BICD2: variants seen among roughly 807,000 people sequenced by gnomAD.
The protein encoded by BICD2 is BICD cargo adaptor 2, also known as protein bicaudal D homolog 2.
A neutral mutation model predicts 72.9 loss-of-function variants in BICD2; 25 were observed. That is an observed-to-expected ratio of 0.34 (90% CI 0.25 to 0.48). The LOEUF is 0.48. Ranked by LOEUF, BICD2 falls within the 20% of genes least tolerant of loss-of-function variation. BICD2 has a pLI of 0.99. For synonymous variants in BICD2, 501 were observed against 516.1 expected (o/e 0.97, Z 0.40); for missense variants, 894 against 1,175.2 (o/e 0.76, Z 3.50).
chr9:92,749,665 T>C (rs1854107601), intron 1 of BICD2, among the ~76,000 whole-genome samples: 1 of 152,202 alleles, frequency 6.6e-6, no homozygotes, highest in Non-Finnish European at 1.5e-5. Flanking sequence ...TAGAGAAGAT[T>C]ACACCCTAAT....
chr9:92,753,323 G>A (rs998896121), intron 1 of BICD2, among the ~76,000 whole-genome samples: 7 of 152,054 alleles, frequency 4.6e-5, no homozygotes, highest in Non-Finnish European at 7.4e-5. Context: ...AAAAACTAAG[G>A]CAATCTGAAT....
intron 1 of BICD2, among the ~76,000 whole-genome samples, chr9:92,731,725 G>A (rs1198117980): frequency 6.6e-6 from 1 of 152,190 alleles, no homozygotes; most frequent in Non-Finnish European, 1.5e-5. Context: ...AGGCAGACCT[G>A]CACACAGGGC....
intron 6 of BICD2, among the ~76,000 whole-genome samples, chr9:92,716,730 C>T (rs1042532726): frequency 1.4e-4 from 21 of 152,232 alleles, no homozygotes; most frequent in African/African-American, 4.8e-4. Context: ...TGTCAGGGGG[C>T]ACCTGGGAAG....
rs762587567 is a variant in BICD2, at chr9:92,720,464, C to A, written c.898G>T (p.Val300Phe). Residue 300 changes from valine (V) to phenylalanine (F), a missense_variant, in exon 4 of 7, where the codon GTC becomes TTC. Coordinates refer to ENST00000356884, the MANE Select transcript of BICD2 (RefSeq NM_001003800.2). The surrounding 1 kb of genome is among the most constrained non-coding windows in gnomAD (Gnocchi z 5.4). ...AEPNNDAEAL[V>F]NGFEHGGLAK... is the part of the protein sequence containing the mutation. ...AGGCCGCCGTGCTCAAAGCCATTGA[C>A]CAGGGCCTCGGCATCGTTGTTGGGC... 6.2e-7 allele frequency: 1 copy of A among 1,614,214 alleles called. No individual in the cohort carries two copies. The highest frequency in any genetic ancestry group is 1.1e-5 in the South Asian group (1 of 91,082).
At chr9:92,727,432 T>G (rs1853589611) in intron 2 of BICD2, among the ~76,000 whole-genome samples, 1 of 152,140 alleles carries the variant, frequency 6.6e-6, no homozygotes, top group South Asian at 2.1e-4. Context: ...GGTTTACAGA[T>G]GGGGAAACTG....
At chr9:92,747,479 G>A (rs548800809) in intron 1 of BICD2, among the ~76,000 whole-genome samples, 1 of 152,312 alleles carries the variant, frequency 6.6e-6, no homozygotes, top group South Asian at 2.1e-4. Flanking sequence ...CAGCTCCAGG[G>A]ATATGGCTCA....
rs772847008 is a variant in BICD2 at position 92,718,914 on chromosome 9, C to T, written c.1731G>A (p.Ala577=). The change falls in exon 5 of 7, where the codon GCG becomes GCA. Residue 577 remains alanine (A), a synonymous_variant. Transcript: ENST00000356884. ...TSPGGRTSPE[A]RGRRSPILLP... is the part of the protein sequence containing the mutation. ...GGAGGATGGGTGAGCGCCGGCCACG[C>T]GCCTCGGGGCTGGTGCGGCCCCCGG... 20 of 1,604,212 alleles carry T rather than the reference C, an allele frequency of 1.2e-5. 1 individual carries two copies. Among genetic ancestry groups the T allele is most frequent in the Admixed American group, 6.8e-5 (4 of 59,238 alleles).
chr9:92,761,402 C>T (rs542868164), intron 1 of BICD2, among the ~76,000 whole-genome samples: 38 of 152,340 alleles, frequency 2.5e-4, no homozygotes, highest in South Asian at 8.3e-4. Flanking sequence ...ATTCCACCCA[C>T]GTGCACCTCT....
chr9:92,742,374 ATTTC>A (rs1209982109), intron 1 of BICD2, among the ~76,000 whole-genome samples: 39 of 146,320 alleles, frequency 2.7e-4, no homozygotes, highest in African/African-American at 8.8e-4. Context: ...TTAATTCCAC[ATTTC>A]TTTTTTTTTT....
At chr9:92,733,922 G>A (rs1184120371) in intron 1 of BICD2, among the ~76,000 whole-genome samples, 1 of 151,938 alleles carries the variant, frequency 6.6e-6, no homozygotes, top group Admixed American at 6.6e-5. Flanking sequence ...AGCTGAGATC[G>A]TGCCACTGCA....
At chr9:92,736,929 T>C (rs1394973729) in intron 1 of BICD2, among the ~76,000 whole-genome samples, 2 of 152,108 alleles carry the variant, frequency 1.3e-5, no homozygotes, top group Admixed American at 6.5e-5. Flanking sequence ...GCTGGCAGAA[T>C]AGGCCTCAGG....
chr9:92,726,285 T>C (rs1359293041), intron 2 of BICD2, among the ~76,000 whole-genome samples: 2 of 152,122 alleles, frequency 1.3e-5, no homozygotes, highest in African/African-American at 2.4e-5. Flanking sequence ...ACTGTAAAGC[T>C]TCACAGGTCC....
chr9:92,713,394 A>AGGGAAG lies in BICD2; in HGVS notation c.*1754_*1759dup. 2 of 1,536,982 alleles carry AGGGAAG rather than the reference A, an allele frequency of 1.3e-6. No homozygotes were observed. Among genetic ancestry groups the AGGGAAG allele is most frequent in the Non-Finnish European group, 1.8e-6 (2 of 1,128,252 alleles). ...TTCCTTCCTCCTTGTGGGCCACGAG[A>AGGGAAG]GGGAAGGGGAAGGGGCTGCAGTGTG... is the stretch of plus-strand genomic sequence containing the variant. On this transcript the variant is annotated 3_prime_UTR_variant, in exon 7 of 7. Coordinates refer to ENST00000356884, the MANE Select transcript of BICD2 (RefSeq NM_001003800.2).
rs530196701 is a variant in BICD2 at position 92,713,937 on chromosome 9, A to C, written c.*1217T>G. The C allele has an allele frequency of 2.0e-6, 2 of 992,822 alleles. No individual in the cohort carries two copies. The highest frequency in any genetic ancestry group is 1.2e-6 in the Non-Finnish European group (1 of 834,200). 61.5% of individuals were successfully genotyped at this position (992,822 alleles called of 1,614,324 possible). A position where few individuals can be genotyped will look rare whatever the true frequency, so the allele number is the denominator to read the frequency against. On this transcript the variant is annotated 3_prime_UTR_variant, in exon 7 of 7. Transcript: ENST00000356884. ...CAAGGCAAGCAGCCTGCAGGAGAGA[A>C]GACTGCAGCCTCAGGTCCAGCTGGT...
intron 1 of BICD2, among the ~76,000 whole-genome samples, chr9:92,761,518 A>G (rs1854372247): frequency 6.6e-6 from 1 of 152,270 alleles, no homozygotes; most frequent in Admixed American, 6.5e-5. Flanking sequence ...GCTCAGGTGG[A>G]GTCAAGACTG....
At chr9:92,743,355 CTTTTTTTT>C (rs34165468) in intron 1 of BICD2, among the ~76,000 whole-genome samples, 143 of 112,230 alleles carry the variant, frequency 1.3e-3, no homozygotes, top group Middle Eastern at 5.0e-3. Context: ...ACCATGCCAG[CTTTTTTTT>C]TTTTTTTTTT....
chr9:92,713,658 C>T lies in BICD2; in HGVS notation c.*1496G>A. The T allele has an allele frequency of 6.9e-7, 1 of 1,445,706 alleles. No individual in the cohort carries two copies. The highest frequency in any genetic ancestry group is 9.1e-7 in the Non-Finnish European group (1 of 1,094,154). 89.6% of individuals were successfully genotyped at this position (1,445,706 alleles called of 1,614,324 possible). The stretch of plus-strand genomic sequence containing the variant: ...TAGGAGTATGGAGAGAAGCTATGTG[C>T]CAGGCTTGCAAGGAGAGGGCAAAGC... On this transcript the variant is annotated 3_prime_UTR_variant, in exon 7 of 7. Coordinates refer to ENST00000356884, the MANE Select transcript of BICD2 (RefSeq NM_001003800.2).
intron 2 of BICD2, among the ~76,000 whole-genome samples, chr9:92,727,389 G>A (rs755209): frequency 0.34 from 51,617 of 152,164 alleles, 10,721 homozygotes; most frequent in African/African-American, 0.57. Context: ...AAGACCTGTG[G>A]GGCATCCTCT....
chr9:92,759,171 G>GT (rs1854322086), intron 1 of BICD2, among the ~76,000 whole-genome samples: 1 of 152,114 alleles, frequency 6.6e-6, no homozygotes, highest in Non-Finnish European at 1.5e-5. Context: ...CTGCTTTTAT[G>GT]TATCTCAGAG....
Sources: gnomAD v4.1 joint callset for allele counts (sites outside exome capture counted in the v4.1 genomes callset) on GRCh38, gnomAD v4.1.1 for gene constraint, Gnocchi (gnomAD v3.1) non-coding constraint, MANE v1.5 for transcripts, NCBI Gene and HGNC (gene_info 2026-07-23, HGNC 2026-07-21) for gene names.